The following TNRC6C variants were observed in gnomAD, a reference collection of about 807,000 sequenced individuals.
The protein encoded by TNRC6C is trinucleotide repeat-containing gene 6C protein.
In TNRC6C, 20 loss-of-function variants were observed where a neutral mutation model predicts 153.7. The observed-to-expected ratio is 0.13, with a 90% CI of 0.09 to 0.19. The LOEUF is 0.19. Ranked by LOEUF, TNRC6C falls within the 10% of genes least tolerant of loss-of-function variation. The probability of loss-of-function intolerance (pLI) is 1.00; values close to 1 mark genes in which losing one functional copy is unlikely to be tolerated. For synonymous variants in TNRC6C, 811 were observed against 841.4 expected, an observed-to-expected ratio of 0.96 and a Z score of 0.63; for missense variants, 1,987 against 2,172.0, an observed-to-expected ratio of 0.91 and a Z score of 1.69.
chr17:77,988,634 GT>G (rs1423888307), intron 1 of TNRC6C, among the ~76,000 whole-genome samples: 1 of 152,170 alleles, frequency 6.6e-6, no homozygotes, highest in African/African-American at 2.4e-5. Flanking sequence ...ATTTCAAACA[GT>G]TTTTCAAATT....
intron 18 of TNRC6C, chr17:78,102,867 G>A (rs60105040): frequency 0.095 from 30,245 of 318,114 alleles, 1,856 homozygotes; most frequent in East Asian, 0.2. Context: ...GCTGGGCGCA[G>A]TAGCTCATGC....
At chr17:78,092,097 T>G (rs2073404856) in intron 14 of TNRC6C, among the ~76,000 whole-genome samples, 1 of 152,036 alleles carries the variant, frequency 6.6e-6, no homozygotes, top group South Asian at 2.1e-4. Context: ...GACACACGAG[T>G]AAGGTGGAAG....
At chr17:78,068,683 A>G (rs2072929959) in intron 5 of TNRC6C, among the ~76,000 whole-genome samples, 1 of 152,058 alleles carries the variant, frequency 6.6e-6, no homozygotes, top group Non-Finnish European at 1.5e-5. Context: ...AATCCCAGCT[A>G]CTCGGGAGGC....
At position 78,034,836 on chromosome 17, in the gene TNRC6C, G is replaced by A. The variant is rs138638479; in HGVS notation, c.-219+2994G>A. Among the ~76,000 whole-genome samples the A allele has an allele frequency of 5.2e-3, 791 of 152,234 alleles. 6 individuals are homozygous for A. Among genetic ancestry groups the A allele is most frequent in the African/African-American group, 0.018 (758 of 41,530 alleles). On this transcript the variant is annotated intron_variant, in intron 2 of 19. Transcript: ENST00000301624. ...GTACAAAAATTAGCCAGACATGGTG[G>A]CATGTGCCTGTGGTCCCAGCTACTC...
Position 78,057,824 on chromosome 17 carries a change from T to TG in TNRC6C, c.2395+6367_2395+6368insG, listed in dbSNP as rs1301475549. Among the ~76,000 whole-genome samples, 31 of 148,452 alleles carry TG rather than the reference T, an allele frequency of 2.1e-4. No homozygotes were observed. The South Asian group carries it at 6.1e-3, about 29-fold the overall frequency. On this transcript the variant is annotated intron_variant, in intron 3 of 19. Transcript: ENST00000301624. ...TAAAATATGATTTCTGAATTACATTTTTGTGTGTGTGTGTGTGTTGTTTTA... is the reference window on the plus strand; with the variant it reads ...TAAAATATGATTTCTGAATTACATTTGTTGTGTGTGTGTGTGTGTTGTTTTA...
At chr17:78,073,162 A>T (rs1328402593) in intron 7 of TNRC6C, 68 bp downstream of exon 9, 2 of 1,371,784 alleles carry the variant, frequency 1.5e-6, no homozygotes, top group African/African-American at 1.4e-5. Flanking sequence ...GAAGCATTTG[A>T]TTGTAGTCAT....
At chr17:78,090,925 T>C (rs1342987166) in intron 13 of TNRC6C, among the ~76,000 whole-genome samples, 1 of 152,218 alleles carries the variant, frequency 6.6e-6, no homozygotes. Flanking sequence ...GAAAAGTGTT[T>C]TTGACCTGAT....
Position 78,049,314 on chromosome 17 carries a change from G to A in TNRC6C, c.252G>A (p.Gln84=), listed in dbSNP as rs889164091. The A allele has an allele frequency of 6.2e-7, 1 of 1,614,018 alleles. No individual in the cohort carries two copies. Among genetic ancestry groups the A allele is most frequent in the African/African-American group, 1.3e-5 (1 of 75,060 alleles). Residue 84 remains glutamine (Q), a synonymous_variant, in exon 3 of 20, where the codon CAG becomes CAA. Coordinates refer to ENST00000301624, the Ensembl canonical transcript of TNRC6C. This position sits in a 1 kb window ranked among gnomAD's most constrained non-coding sequence, Gnocchi z 4.1. The stretch of plus-strand genomic sequence containing the variant: ...CTATGATTGGAGATGGGAGAAGTCA[G>A]AATTGCTGGGGTGCTTCCAACTCCA...
Position 78,104,589 on chromosome 17 carries a change from A to AGTCCAGCAGCGC in TNRC6C, c.4825_4836dup (p.Ser1609_Ser1612dup), listed in dbSNP as rs1255766958. ...GCGCTGCCACCCACTTCCAGCTGGC[A>AGTCCAGCAGCGC]GTCCAGCAGCGCGTCCAGCCAGCCG... On this transcript the variant is annotated inframe_insertion, in exon 20 of 20. Transcript: ENST00000301624. This position sits in a 1 kb window ranked among gnomAD's most constrained non-coding sequence, Gnocchi z 6.2. The AGTCCAGCAGCGC allele has an allele frequency of 2.6e-6, 4 of 1,553,266 alleles. No homozygotes were observed. The highest frequency in any genetic ancestry group is 3.5e-6 in the Non-Finnish European group (4 of 1,148,520).
chr17:78,051,567 T>C, intron 3 of TNRC6C, 119 bp downstream of exon 5: 2 of 1,129,562 alleles, frequency 1.8e-6, no homozygotes, highest in Admixed American at 3.4e-5. Context: ...ATTAAAATAA[T>C]TTAAGTTCCC....
chr17:77,958,423 C>A (rs1287671089), upstream of TNRC6C, among the ~76,000 whole-genome samples: 2 of 151,978 alleles, frequency 1.3e-5, no homozygotes, highest in Non-Finnish European at 2.9e-5. Context: ...GCTCGCACCC[C>A]GGCGCGCTCC....
At chr17:78,097,713 C>T (rs778203960) in intron 16 of TNRC6C, 32 bp from the exon 19 acceptor site, 8 of 1,474,856 alleles carry the variant, frequency 5.4e-6, no homozygotes, top group Non-Finnish European at 5.5e-6. Flanking sequence ...ACACCGCCAC[C>T]ACCTTGCTCA....
At chr17:77,976,629 T>C (rs1396180421) in intron 1 of TNRC6C, among the ~76,000 whole-genome samples, 1 of 152,036 alleles carries the variant, frequency 6.6e-6, no homozygotes, top group Non-Finnish European at 1.5e-5. Context: ...ACTAAGTCAC[T>C]TCATATATAA....
intron 11 of TNRC6C, 56 bp downstream of exon 13, chr17:78,083,222 C>G (rs1461976267): frequency 6.2e-7 from 1 of 1,607,162 alleles, no homozygotes; most frequent in African/African-American, 1.3e-5. Flanking sequence ...AGATGCACGG[C>G]ACCTGCTGAG....
At position 78,091,426 on chromosome 17, in the gene TNRC6C, A is replaced by G; in HGVS notation, c.3803-14A>G. ...AGAGGAGCAGGCGAATCCTAACCGC[A>G]TCTCTCTCTTTAGCTGGACTGAACC... On this transcript the variant is annotated splice_polypyrimidine_tract_variant and intron_variant, in intron 13 of 19. Coordinates refer to ENST00000301624, the Ensembl canonical transcript of TNRC6C. 2.5e-6 allele frequency: 4 copies of G among 1,573,244 alleles called. No individual in the cohort carries two copies. Among genetic ancestry groups the G allele is most frequent in the South Asian group, 1.2e-5 (1 of 86,050 alleles).
chr17:78,058,493 A>G (rs1355298214), intron 3 of TNRC6C, among the ~76,000 whole-genome samples: 3 of 152,260 alleles, frequency 2.0e-5, no homozygotes, highest in Non-Finnish European at 2.9e-5. Flanking sequence ...CAGGGATTTC[A>G]TCTCTGAACT....
At chr17:78,014,919 C>T (rs930613044) in intron 1 of TNRC6C, among the ~76,000 whole-genome samples, 4 of 151,994 alleles carry the variant, frequency 2.6e-5, no homozygotes, top group African/African-American at 9.7e-5. Context: ...GTCTTCTGCT[C>T]GCATCTCATT....
At chr17:78,087,766 A>G (rs1430511471) in intron 13 of TNRC6C, among the ~76,000 whole-genome samples, 51 of 152,342 alleles carry the variant, frequency 3.3e-4, no homozygotes, top group Non-Finnish European at 4.4e-5. Context: ...ATCAACATAT[A>G]TATGTTGAAA....
At chr17:77,960,425 G>T (rs531107877) in intron 1 of TNRC6C, among the ~76,000 whole-genome samples, 1 of 152,148 alleles carries the variant, frequency 6.6e-6, no homozygotes, top group Admixed American at 6.5e-5. Context: ...TGAGAGCCTC[G>T]TACGTCCCTG....
Sources: gnomAD v4.1 joint callset for allele counts (sites outside exome capture counted in the v4.1 genomes callset) on GRCh38, gnomAD v4.1.1 for gene constraint, Gnocchi (gnomAD v3.1) non-coding constraint, MANE v1.5 for transcripts, NCBI Gene and HGNC (gene_info 2026-07-23, HGNC 2026-07-21) for gene names.